MAPKAP1: variants seen among roughly 807,000 people sequenced by gnomAD.
MAPKAP1 encodes the protein target of rapamycin complex 2 subunit MAPKAP1.
Under a neutral mutation model 65.7 loss-of-function variants are expected in MAPKAP1, and 20 were observed. That is an observed-to-expected ratio of 0.30 (90% CI 0.21 to 0.44). The LOEUF (loss-of-function observed/expected upper bound fraction) is 0.44, where lower values mean the gene tolerates loss of function less well. MAPKAP1 is among the 20% of genes least tolerant of loss of function. MAPKAP1 has a pLI of 1.00. For synonymous variants in MAPKAP1, 222 were observed against 244.3 expected, an observed-to-expected ratio of 0.91 and a Z score of 0.85; for missense variants, 423 against 648.0, an observed-to-expected ratio of 0.65 and a Z score of 3.77.
At chr9:125,688,202 A>G (rs1194320775) in intron 1 of MAPKAP1, among the ~76,000 whole-genome samples, 1 of 151,960 alleles carries the variant, frequency 6.6e-6, no homozygotes, top group African/African-American at 2.4e-5. Flanking sequence ...GCAATGGTGC[A>G]GTCTCAGCTC....
chr9:125,600,417 T>C (rs1832268894), intron 4 of MAPKAP1, among the ~76,000 whole-genome samples: 1 of 152,214 alleles, frequency 6.6e-6, no homozygotes, highest in Admixed American at 6.5e-5. Context: ...GGTAAGCCCA[T>C]AATCTCTCTT....
intron 1 of MAPKAP1, among the ~76,000 whole-genome samples, chr9:125,693,846 T>TATAC (rs10646202): frequency 0.026 from 3,591 of 135,528 alleles, 186 homozygotes; most frequent in East Asian, 0.13. Context: ...TATACACACA[T>TATAC]ACACACACAC....
intron 4 of MAPKAP1, among the ~76,000 whole-genome samples, chr9:125,638,958 T>C (rs1833500875): frequency 6.6e-6 from 1 of 152,200 alleles, no homozygotes; most frequent in Non-Finnish European, 1.5e-5. Flanking sequence ...TTGGGAGCCC[T>C]TCAAATATAG....
At chr9:125,526,024 T>A (rs1564542685) in intron 7 of MAPKAP1, among the ~76,000 whole-genome samples, 1 of 152,206 alleles carries the variant, frequency 6.6e-6, no homozygotes, top group Non-Finnish European at 1.5e-5. Flanking sequence ...CACAATCTCT[T>A]CAGTGGAACA....
intron 4 of MAPKAP1, among the ~76,000 whole-genome samples, chr9:125,648,489 G>A (rs1196215807): frequency 6.6e-6 from 1 of 152,130 alleles, no homozygotes; most frequent in Non-Finnish European, 1.5e-5. Context: ...AGAAATCAAG[G>A]CTCATAGATG....
At chr9:125,615,915 G>GAAAAAAAAAAAA (rs763540546) in intron 4 of MAPKAP1, among the ~76,000 whole-genome samples, 1 of 105,218 alleles carries the variant, frequency 9.5e-6, no homozygotes, top group South Asian at 2.8e-4. Flanking sequence ...CTCCGTCTCA[G>GAAAAAAAAAAAA]AAAAAAAAAA....
intron 4 of MAPKAP1, among the ~76,000 whole-genome samples, chr9:125,645,260 C>T (rs1833693108): frequency 6.6e-6 from 1 of 152,166 alleles, no homozygotes; most frequent in Non-Finnish European, 1.5e-5. Flanking sequence ...CCAGCCTCCT[C>T]ACAAAAGGAT....
chr9:125,677,848 C>T (rs1356089465), intron 1 of MAPKAP1, among the ~76,000 whole-genome samples: 1 of 152,078 alleles, frequency 6.6e-6, no homozygotes, highest in East Asian at 1.9e-4. Context: ...ATTTGTTTTA[C>T]TAAAAATGGA....
intron 8 of MAPKAP1, among the ~76,000 whole-genome samples, chr9:125,486,314 G>A (rs1337863652): frequency 6.6e-6 from 1 of 152,220 alleles, no homozygotes; most frequent in East Asian, 1.9e-4. Context: ...AGATGCAGCT[G>A]TTGGTGCCAT....
chr9:125,517,962 C>T (rs1829510431), intron 7 of MAPKAP1, among the ~76,000 whole-genome samples: 1 of 152,136 alleles, frequency 6.6e-6, no homozygotes, highest in Admixed American at 6.5e-5. Flanking sequence ...GGGTGGGAGG[C>T]TTTCAAAAAA....
intron 4 of MAPKAP1, among the ~76,000 whole-genome samples, chr9:125,632,461 C>A (rs1239130517): frequency 6.6e-6 from 1 of 152,188 alleles, no homozygotes; most frequent in African/African-American, 2.4e-5. Flanking sequence ...TCTGCTGAAT[C>A]ATACTGAGGT....
At chr9:125,574,930 G>A (rs766422914) in intron 5 of MAPKAP1, among the ~76,000 whole-genome samples, 13 of 152,174 alleles carry the variant, frequency 8.5e-5, no homozygotes, top group African/African-American at 1.9e-4. Context: ...GCTAGTAGGC[G>A]TTAACACCAG....
chr9:125,615,821 G>A (rs1832728582), intron 4 of MAPKAP1, among the ~76,000 whole-genome samples: 1 of 151,764 alleles, frequency 6.6e-6, no homozygotes, highest in Non-Finnish European at 1.5e-5. Flanking sequence ...GCTGAGGCAC[G>A]AGAATCACTT....
At chr9:125,582,256 G>T (rs1046217624) in intron 5 of MAPKAP1, among the ~76,000 whole-genome samples, 7 of 152,264 alleles carry the variant, frequency 4.6e-5, no homozygotes, top group Non-Finnish European at 1.0e-4. Context: ...TCCTAGAAGT[G>T]AAACATGAAT....
intron 6 of MAPKAP1, among the ~76,000 whole-genome samples, chr9:125,544,139 G>A (rs1013181218): frequency 3.9e-5 from 6 of 151,972 alleles, no homozygotes; most frequent in African/African-American, 1.5e-4. Context: ...GCCTCTCCAG[G>A]AGCTGAGATT....
intron 1 of MAPKAP1, among the ~76,000 whole-genome samples, chr9:125,682,918 G>C (rs1834864539): frequency 6.6e-6 from 1 of 151,638 alleles, no homozygotes; most frequent in Admixed American, 6.6e-5. Context: ...CTGCCTTCAT[G>C]GATCTTCTGA....
chr9:125,625,495 A>G (rs1833091308), intron 4 of MAPKAP1, among the ~76,000 whole-genome samples: 2 of 152,266 alleles, frequency 1.3e-5, no homozygotes, highest in Non-Finnish European at 2.9e-5. Flanking sequence ...GCCATGTTCA[A>G]TAAAACTGAG....
intron 8 of MAPKAP1, among the ~76,000 whole-genome samples, chr9:125,494,163 T>C (rs757066061): frequency 7.2e-5 from 11 of 152,140 alleles, no homozygotes; most frequent in Admixed American, 1.3e-4. Flanking sequence ...CATTTTTTTT[T>C]CCAGAGGCCT....
At chr9:125,449,068 G>A (rs914631243) in intron 10 of MAPKAP1, among the ~76,000 whole-genome samples, 2 of 150,558 alleles carry the variant, frequency 1.3e-5, no homozygotes, top group African/African-American at 4.9e-5. Flanking sequence ...TTAAAAAAAT[G>A]TAAAGTTTAA....
Sources: gnomAD v4.1 joint callset for allele counts (sites outside exome capture counted in the v4.1 genomes callset) on GRCh38, gnomAD v4.1.1 for gene constraint, MANE v1.5 for transcripts, NCBI Gene and HGNC (gene_info 2026-07-23, HGNC 2026-07-21) for gene names.